Variants in XRCC2 observed in about 807,000 individuals in gnomAD.
The protein encoded by XRCC2 is DNA repair protein XRCC2.
Under a neutral mutation model 27.3 loss-of-function variants are expected in XRCC2, and 24 were observed. The observed-to-expected ratio is 0.88, with a 90% CI of 0.64 to 1.24. XRCC2 has a LOEUF of 1.24. XRCC2 is among the 50% of genes most tolerant of loss of function. The pLI, the probability that XRCC2 is intolerant of heterozygous loss-of-function variation, is 0.00. For synonymous variants in XRCC2, 106 were observed against 115.4 expected (o/e 0.92, Z 0.52); for missense variants, 321 against 325.8 (o/e 0.99, Z 0.11).
intron 2 of XRCC2, among the ~76,000 whole-genome samples, chr7:152,650,931 C>A (rs2098028253): frequency 1.3e-5 from 2 of 152,024 alleles, no homozygotes; most frequent in African/African-American, 2.4e-5. Context: ...TACTTTATTT[C>A]TTATTATTTA....
At chr7:152,650,457 C>T (rs1035098620) in intron 2 of XRCC2, among the ~76,000 whole-genome samples, 6 of 152,208 alleles carry the variant, frequency 3.9e-5, no homozygotes, top group Non-Finnish European at 8.8e-5. Context: ...GGGAAGTTGC[C>T]TTGCTTCCAG....
At chr7:152,658,420 G>A (rs2098031669) in intron 2 of XRCC2, among the ~76,000 whole-genome samples, 1 of 152,160 alleles carries the variant, frequency 6.6e-6, no homozygotes. Flanking sequence ...CCAAAGTGCT[G>A]GGATTACAGG....
Position 152,649,038 on chromosome 7 carries a change from A to G in XRCC2, c.447T>C (p.Asp149=), listed in dbSNP as rs766677811. Residue 149 remains aspartate (D), a synonymous_variant, in exon 3 of 3, where the codon GAT becomes GAC. Coordinates refer to ENST00000359321, the MANE Select transcript of XRCC2 (RefSeq NM_005431.2). ...CTATCCAGTAAAAAGCTGACAGGCT[A>G]TCCAAAATCAAAAGGCAGAGAGATG... ...SHPSLCLLIL[D]SLSAFYWIDR... is the part of the protein sequence containing the mutation. The G allele has an allele frequency of 1.2e-6, 2 of 1,614,218 alleles. No homozygotes were observed. The highest frequency in any genetic ancestry group is 1.7e-6 in the Non-Finnish European group (2 of 1,180,036).
chr7:152,661,412 T>C lies in XRCC2; in HGVS notation c.40-630A>G, dbSNP rs3218469. Among the ~76,000 whole-genome samples the C allele has an allele frequency of 3.2e-4, 48 of 152,268 alleles. No individual in the cohort carries two copies. In the East Asian group the frequency reaches 7.4e-3, roughly 23 times the overall value. ...CTTGTTACACAGTTATCTGCCTTCA[T>C]TTGTCTGCCCCATTCATTGTGAGCT... On this transcript the variant is annotated intron_variant, in intron 1 of 2. Transcript: ENST00000359321.
chr7:152,650,667 G>A (rs1252929458), intron 2 of XRCC2, among the ~76,000 whole-genome samples: 4 of 152,132 alleles, frequency 2.6e-5, no homozygotes, highest in African/African-American at 9.7e-5. Context: ...GAGGCGGGAG[G>A]ATCACCTGAG....
Position 152,676,108 on chromosome 7 carries a change from T to G in XRCC2, c.-29A>C. The stretch of plus-strand genomic sequence containing the variant: ...CCCGAAGGCTCGGCGCAGGAGAGAC[T>G]CAACTTTCCCGCCACCAACGCCATT... On this transcript the variant is annotated 5_prime_UTR_variant, in exon 1 of 3. Transcript: ENST00000359321. 6.2e-7 allele frequency: 1 copy of G among 1,613,524 alleles called. No individual in the cohort carries two copies. Among genetic ancestry groups the G allele is most frequent in the African/African-American group, 1.3e-5 (1 of 75,032 alleles).
rs2116987494 is a variant in XRCC2, at chr7:152,648,907, G to A, written c.578C>T (p.Ala193Val). 2 of 1,614,086 alleles carry A rather than the reference G, an allele frequency of 1.2e-6. No individual in the cohort carries two copies. The highest frequency in any genetic ancestry group is 1.7e-6 in the Non-Finnish European group (2 of 1,180,006). Reference protein sequence around the residue: ...LVNDYRLVLFATTQTIMQKAS... With the variant: ...LVNDYRLVLFVTTQTIMQKAS... ...TTTCTGCATTATAGTTTGTGTCGTT[G>A]CAAAAAGAACCAGGCGATAGTCATT... The change falls in exon 3 of 3, where the codon GCA becomes GTA. Residue 193 changes from alanine (A) to valine (V), a missense_variant. Physicochemically the swap from Ala to Val is moderately conservative, Grantham distance 64 (BLOSUM62 0). Transcript: ENST00000359321.
intron 1 of XRCC2, among the ~76,000 whole-genome samples, chr7:152,667,703 A>C (rs190196775): frequency 2.3e-4 from 35 of 152,222 alleles, no homozygotes; most frequent in Admixed American, 3.3e-4. Context: ...GGATAATATT[A>C]ACAATTCACA....
chr7:152,647,957 T>A lies in XRCC2; in HGVS notation c.*685A>T, dbSNP rs1341787359. 1 of 152,240 alleles carries A rather than the reference T, an allele frequency of 6.6e-6. No individual in the cohort carries two copies. The highest frequency in any genetic ancestry group is 1.9e-4 in the East Asian group (1 of 5,202). The allele number at this position is 152,240 out of a possible 1,614,324, so 9.4% of individuals were successfully genotyped here. On this transcript the variant is annotated 3_prime_UTR_variant, in exon 3 of 3. Transcript: ENST00000359321. ...CTCAGATTTACTTTCTGAGATAATC[T>A]TTTAAAAGTTCCTTTGTGAAGAAAT...
chr7:152,648,604 T>G lies in XRCC2; in HGVS notation c.*38A>C. ...CTGTCTTAAGAAAAATTTTAAGGCTTGCGTAGTACCCTGCAAAAGACTATT... is the reference window on the plus strand; with the variant it reads ...CTGTCTTAAGAAAAATTTTAAGGCTGGCGTAGTACCCTGCAAAAGACTATT... On this transcript the variant is annotated 3_prime_UTR_variant, in exon 3 of 3. Transcript: ENST00000359321. 8 of 1,526,630 alleles carry G rather than the reference T, an allele frequency of 5.2e-6. No homozygotes were observed. Among genetic ancestry groups the G allele is most frequent in the African/African-American group, 4.2e-5 (3 of 72,252 alleles). 94.6% of individuals were successfully genotyped at this position (1,526,630 alleles called of 1,614,324 possible).
At chr7:152,673,693 C>T (rs1001130223) in intron 1 of XRCC2, among the ~76,000 whole-genome samples, 1 of 151,990 alleles carries the variant, frequency 6.6e-6, no homozygotes, top group African/African-American at 2.4e-5. Flanking sequence ...TAGTGAAACC[C>T]GGTCTCTGCT....
chr7:152,668,512 C>A (rs962805067), intron 1 of XRCC2, among the ~76,000 whole-genome samples: 2 of 151,486 alleles, frequency 1.3e-5, no homozygotes, highest in Admixed American at 1.3e-4. Flanking sequence ...GTTTCAGAAG[C>A]GAAAGAAGAG....
In XRCC2 at chr7:152,648,996, T is replaced by TC; in HGVS notation, c.488dup (p.Glu164ArgfsTer23). On this transcript the variant is annotated frameshift_variant, in exon 3 of 3. Transcript: ENST00000359321. LOFTEE classifies it high-confidence loss of function. ...TAGACTCCTGTAAGTTCACACTTTC[T>TC]CCTCCATTGACGCGGTCTATCCAGT... The TC allele has an allele frequency of 6.2e-7, 1 of 1,614,210 alleles. No individual in the cohort carries two copies.
intron 1 of XRCC2, among the ~76,000 whole-genome samples, chr7:152,666,620 ATTTT>A (rs35465219): frequency 7.0e-6 from 1 of 142,218 alleles, no homozygotes. Context: ...CAGATTCTTT[ATTTT>A]TTTTTTTTTT....
intron 1 of XRCC2, among the ~76,000 whole-genome samples, chr7:152,667,931 G>C (rs545251602): frequency 3.3e-5 from 5 of 151,610 alleles, no homozygotes; most frequent in Admixed American, 6.6e-5. Flanking sequence ...GGGAGGCTGA[G>C]GCAGGAGAAT....
At chr7:152,673,582 A>G (rs1328701163) in intron 1 of XRCC2, among the ~76,000 whole-genome samples, 1 of 152,162 alleles carries the variant, frequency 6.6e-6, no homozygotes, top group Non-Finnish European at 1.5e-5. Flanking sequence ...TGAATTTTAA[A>G]GCAGGCCAGG....
intron 1 of XRCC2, among the ~76,000 whole-genome samples, chr7:152,661,873 T>A (rs937469371): frequency 6.6e-6 from 1 of 152,216 alleles, no homozygotes; most frequent in Non-Finnish European, 1.5e-5. Flanking sequence ...GTCCTTAGGC[T>A]TCTCATCTGT....
At chr7:152,675,994 G>A (rs1329918038) in intron 1 of XRCC2, 47 bp downstream of exon 1, 2 of 1,611,990 alleles carry the variant, frequency 1.2e-6, no homozygotes, top group Admixed American at 3.3e-5. Context: ...CTCGCCCACC[G>A]GCGGCCTTGT....
rs1223286740 is a variant in XRCC2 at position 152,646,952 on chromosome 7, A to G, written c.*1690T>C. On this transcript the variant is annotated 3_prime_UTR_variant, in exon 3 of 3. Coordinates refer to ENST00000359321, the MANE Select transcript of XRCC2 (RefSeq NM_005431.2). The stretch of plus-strand genomic sequence containing the variant: ...CCCAGTAATGAGATTGCTGGGTTGA[A>G]TGGTATCTCTGTCTTTATCCCCACA... The G allele has an allele frequency of 6.6e-6, 1 of 152,206 alleles. No individual in the cohort carries two copies. The highest frequency in any genetic ancestry group is 2.4e-5 in the African/African-American group (1 of 41,450). The allele number at this position is 152,206 out of a possible 1,614,324, so 9.4% of individuals were successfully genotyped here.
Sources: gnomAD v4.1 joint callset for allele counts (sites outside exome capture counted in the v4.1 genomes callset) on GRCh38, gnomAD v4.1.1 for gene constraint, MANE v1.5 for transcripts, NCBI Gene and HGNC (gene_info 2026-07-23, HGNC 2026-07-21) for gene names.